SYN3: variants seen among roughly 807,000 people sequenced by gnomAD.
SYN3 encodes synapsin III, also known as synapsin-3.
SYN3 carries 35 observed loss-of-function variants against 65.8 expected under a neutral mutation model. That is an observed-to-expected ratio of 0.53 (90% CI 0.41 to 0.70). The LOEUF (loss-of-function observed/expected upper bound fraction) is 0.70, where lower values mean the gene tolerates loss of function less well. Among genes scored for constraint, SYN3 ranks in the 30% least tolerant of loss-of-function variants. SYN3 has a pLI of 0.00. For synonymous variants in SYN3, 270 were observed against 292.9 expected, an observed-to-expected ratio of 0.92 and a Z score of 0.80; for missense variants, 680 against 749.0, an observed-to-expected ratio of 0.91 and a Z score of 1.08.
intron 6 of SYN3, chr22:32,629,983 A>G (rs1205251363): frequency 1.4e-5 from 2 of 144,090 alleles, no homozygotes; most frequent in Non-Finnish European, 1.5e-5. Flanking sequence ...TTATATAGGT[A>G]TGTATTTTTT....
At chr22:32,680,534 C>T (rs1472401960) in intron 6 of SYN3, among the ~76,000 whole-genome samples, 1 of 152,220 alleles carries the variant, frequency 6.6e-6, no homozygotes, top group African/African-American at 2.4e-5. Context: ...ACAGCACTCT[C>T]ACACCGTTGC....
chr22:32,571,661 G>A (rs929618106), intron 7 of SYN3, among the ~76,000 whole-genome samples: 1 of 152,168 alleles, frequency 6.6e-6, no homozygotes, highest in Non-Finnish European at 1.5e-5. Context: ...ATGAAAGGTG[G>A]CACTGTTTAT....
intron 3 of SYN3, among the ~76,000 whole-genome samples, chr22:32,962,834 A>ATCTATCTATCTGTCTG (rs2051698579): frequency 7.4e-6 from 1 of 135,404 alleles, no homozygotes; most frequent in Non-Finnish European, 1.5e-5. Context: ...CTATCTATCT[A>ATCTATCTATCTGTCTG]TCTATCTATC....
chr22:32,796,638 C>T (rs1287833497), intron 6 of SYN3, among the ~76,000 whole-genome samples: 1 of 152,094 alleles, frequency 6.6e-6, no homozygotes, highest in Non-Finnish European at 1.5e-5. Context: ...GATGGGTGGA[C>T]CAGGCTGTCT....
At chr22:32,831,442 C>T (rs569642920) in intron 6 of SYN3, among the ~76,000 whole-genome samples, 1 of 152,094 alleles carries the variant, frequency 6.6e-6, no homozygotes, top group Admixed American at 6.6e-5. Context: ...GCCAGATGAT[C>T]AGGGCAGCGG....
At chr22:32,748,153 C>G (rs1480070020) in intron 6 of SYN3, among the ~76,000 whole-genome samples, 1 of 152,200 alleles carries the variant, frequency 6.6e-6, no homozygotes, top group Non-Finnish European at 1.5e-5. Context: ...AGTTTTCCCA[C>G]TTGTAACAAG....
At chr22:32,802,992 T>G (rs1184882106) in intron 6 of SYN3, among the ~76,000 whole-genome samples, 1 of 152,104 alleles carries the variant, frequency 6.6e-6, no homozygotes, top group East Asian at 1.9e-4. Context: ...TCCTACTCCT[T>G]AGTGTGTATG....
At chr22:33,019,138 A>G (rs1164956311) in intron 1 of SYN3, among the ~76,000 whole-genome samples, 1 of 152,208 alleles carries the variant, frequency 6.6e-6, no homozygotes, top group African/African-American at 2.4e-5. Context: ...GACTTTCCAC[A>G]TATCCCTAGG....
At chr22:32,900,704 C>T (rs2049734980) in intron 4 of SYN3, among the ~76,000 whole-genome samples, 1 of 152,194 alleles carries the variant, frequency 6.6e-6, no homozygotes, top group Non-Finnish European at 1.5e-5. Flanking sequence ...GAATACCTGG[C>T]AGACTGCCTG....
At chr22:32,912,906 C>T (rs376642439) in intron 4 of SYN3, among the ~76,000 whole-genome samples, 3 of 152,034 alleles carry the variant, frequency 2.0e-5, no homozygotes, top group Non-Finnish European at 2.9e-5. Context: ...TATACGATAC[C>T]GCAATGGTAG....
At chr22:32,978,015 T>C (rs1311643977) in intron 3 of SYN3, among the ~76,000 whole-genome samples, 3 of 152,184 alleles carry the variant, frequency 2.0e-5, no homozygotes, top group Non-Finnish European at 2.9e-5. Flanking sequence ...TTACCTGATT[T>C]AAATCTGGAA....
chr22:32,728,213 T>C (rs770584335), intron 6 of SYN3, among the ~76,000 whole-genome samples: 3 of 152,344 alleles, frequency 2.0e-5, no homozygotes, highest in Non-Finnish European at 2.9e-5. Context: ...CGAAAAGCAA[T>C]TGCAACAGAG....
At chr22:32,829,032 T>A (rs2047495038) in intron 6 of SYN3, among the ~76,000 whole-genome samples, 1 of 152,138 alleles carries the variant, frequency 6.6e-6, no homozygotes, top group African/African-American at 2.4e-5. Flanking sequence ...GCCTCCTCCC[T>A]ATAGCGGACT....
At chr22:32,707,803 G>T (rs2060900493) in intron 6 of SYN3, among the ~76,000 whole-genome samples, 1 of 152,152 alleles carries the variant, frequency 6.6e-6, no homozygotes, top group Non-Finnish European at 1.5e-5. Context: ...ATGGGGAAGG[G>T]GCTTGGAGGC....
intron 6 of SYN3, among the ~76,000 whole-genome samples, chr22:32,621,297 CTTT>C (rs58499520): frequency 7.1e-6 from 1 of 140,974 alleles, no homozygotes; most frequent in Non-Finnish European, 1.5e-5. Context: ...TAACTTTTGC[CTTT>C]TTTTTTTTTT....
At chr22:32,727,682 G>A (rs2061214417) in intron 6 of SYN3, among the ~76,000 whole-genome samples, 1 of 152,198 alleles carries the variant, frequency 6.6e-6, no homozygotes, top group Admixed American at 6.5e-5. Flanking sequence ...CATTCTGAGT[G>A]GCGTGAGATG....
chr22:32,959,705 C>T (rs369183155), intron 3 of SYN3, among the ~76,000 whole-genome samples: 76 of 152,250 alleles, frequency 5.0e-4, no homozygotes, highest in Middle Eastern at 6.8e-3. Context: ...AGCAATCCTC[C>T]CACCTCAGCC....
At chr22:33,043,009 C>A (rs1358305174) in intron 1 of SYN3, among the ~76,000 whole-genome samples, 4 of 152,080 alleles carry the variant, frequency 2.6e-5, no homozygotes, top group African/African-American at 9.7e-5. Flanking sequence ...TTGTTATTAA[C>A]CAGACAAGAA....
chr22:32,635,889 G>GA (rs1173282349), intron 6 of SYN3, among the ~76,000 whole-genome samples: 6 of 152,124 alleles, frequency 3.9e-5, no homozygotes, highest in Non-Finnish European at 8.8e-5. Flanking sequence ...AAAAGAAAGA[G>GA]AAAAAATCCT....
Sources: gnomAD v4.1 joint callset for allele counts (sites outside exome capture counted in the v4.1 genomes callset) on GRCh38, gnomAD v4.1.1 for gene constraint, MANE v1.5 for transcripts, NCBI Gene and HGNC (gene_info 2026-07-23, HGNC 2026-07-21) for gene names.